The following DAB1 variants were observed in gnomAD, a reference collection of about 807,000 sequenced individuals.
DAB1 encodes the protein DAB adaptor protein 1.
Under a neutral mutation model 64.6 loss-of-function variants are expected in DAB1, and 15 were observed. That is an observed-to-expected ratio of 0.23 (90% CI 0.16 to 0.36). The LOEUF is 0.36. DAB1 is among the 10% of genes least tolerant of loss of function. The pLI, the probability that DAB1 is intolerant of heterozygous loss-of-function variation, is 1.00. For missense variants in DAB1, 596 were observed against 706.7 expected, an observed-to-expected ratio of 0.84 and a Z score of 1.78; for synonymous variants, 235 against 251.9, an observed-to-expected ratio of 0.93 and a Z score of 0.64.
chr1:58,323,497 G>A (rs1254242781), intron 4 of DAB1, among the ~76,000 whole-genome samples: 1 of 151,888 alleles, frequency 6.6e-6, no homozygotes, highest in Non-Finnish European at 1.5e-5. Context: ...TCCACGGAAA[G>A]GCCTCCTTAA....
At position 57,107,377 on chromosome 1, in the gene DAB1, T is replaced by TA. The variant is rs57669509; in HGVS notation, c.306+29165dup. Among the ~76,000 whole-genome samples the TA allele has an allele frequency of 1.5e-3, 215 of 139,112 alleles. 1 individual carries two copies. The highest frequency in any genetic ancestry group is 3.1e-3 in the African/African-American group (114 of 37,224). The allele number at this position is 139,112 out of a possible 152,430, so 91.3% of individuals were successfully genotyped here. On this transcript the variant is annotated intron_variant, in intron 4 of 14. Coordinates refer to ENST00000371236, the MANE Select transcript of DAB1 (RefSeq NM_001365792.1). ...GTGACAGACTGAGACTCTGTTTCATTAAAAAAAAAAAAAAAAAAAATCAAC... is the reference window on the plus strand; with the variant it reads ...GTGACAGACTGAGACTCTGTTTCATTAAAAAAAAAAAAAAAAAAAAATCAAC...
intron 1 of DAB1, among the ~76,000 whole-genome samples, chr1:57,861,348 G>T (rs1471533084): frequency 6.6e-6 from 1 of 152,170 alleles, no homozygotes; most frequent in Non-Finnish European, 1.5e-5. Context: ...GTGCCAGCAT[G>T]GTCAGATTCT....
chr1:57,916,719 CCT>C, intron 5 of DAB1, among the ~76,000 whole-genome samples: 1 of 152,294 alleles, frequency 6.6e-6, no homozygotes, highest in South Asian at 2.1e-4. Flanking sequence ...GAGTGGATCA[CCT>C]GAGGTCAGGA....
At chr1:57,097,901 C>T (rs1297787312) in intron 4 of DAB1, among the ~76,000 whole-genome samples, 1 of 152,018 alleles carries the variant, frequency 6.6e-6, no homozygotes, top group Non-Finnish European at 1.5e-5. Flanking sequence ...CCTCAGCCTC[C>T]CGAATAGCTG....
intron 5 of DAB1, among the ~76,000 whole-genome samples, chr1:58,062,499 C>A (rs1557632945): frequency 6.6e-6 from 1 of 152,248 alleles, no homozygotes; most frequent in Non-Finnish European, 1.5e-5. Flanking sequence ...GCTTCCAAGA[C>A]CTTCCATACA....
At position 58,490,792 on chromosome 1, in the gene DAB1, ATTCTT is replaced by A. The variant is rs1489293987; in HGVS notation, n.257+15263_257+15267del. Among the ~76,000 whole-genome samples the A allele has an allele frequency of 1.3e-3, 131 of 97,282 alleles. 5 individuals are homozygous for A. The highest frequency in any genetic ancestry group is 4.4e-3 in the African/African-American group (121 of 27,528). 63.8% of individuals were successfully genotyped at this position (97,282 alleles called of 152,430 possible). ...AAGAGAGTGGGGGCCAATAGTCAAC[ATTCTT>A]TTTTTTTTTTTTTTTTTTTTTTTTT... On this transcript the variant is annotated intron_variant and non_coding_transcript_variant, in intron 3 of 20. Coordinates refer to the DAB1 transcript ENST00000485760.
intron 7 of DAB1, among the ~76,000 whole-genome samples, chr1:57,604,306 T>C (rs2101589408): frequency 6.6e-6 from 1 of 152,292 alleles, no homozygotes; most frequent in South Asian, 2.1e-4. Context: ...TGTGCTGCTG[T>C]GTTTACTCCA....
chr1:58,462,448 C>T (rs1266044774), intron 3 of DAB1: 2 of 152,142 alleles, frequency 1.3e-5, no homozygotes, highest in South Asian at 2.1e-4. Flanking sequence ...TACCCTCAAT[C>T]CCAAGGCATC....
chr1:58,478,803 T>C (rs1645444867), intron 3 of DAB1, among the ~76,000 whole-genome samples: 1 of 152,228 alleles, frequency 6.6e-6, no homozygotes. Context: ...ATTAGCATCA[T>C]GCTCCTAACA....
intron 4 of DAB1, among the ~76,000 whole-genome samples, chr1:58,290,102 T>C (rs1282400297): frequency 6.6e-6 from 1 of 152,180 alleles, no homozygotes; most frequent in Admixed American, 6.5e-5. Flanking sequence ...GATAATGGCA[T>C]AGGACCCCTT....
At chr1:57,362,391 TTACTCCTA>T in intron 1 of DAB1, among the ~76,000 whole-genome samples, 1 of 152,282 alleles carries the variant, frequency 6.6e-6, no homozygotes, top group East Asian at 1.9e-4. Flanking sequence ...CTTAGGAGCA[TTACTCCTA>T]TACCTTCTCA....
In DAB1 at chr1:58,540,842, C is replaced by CAA. The variant is rs552021084; in HGVS notation, n.32+5859_32+5860dup. Among the ~76,000 whole-genome samples the CAA allele has an allele frequency of 8.6e-5, 13 of 150,878 alleles. No homozygotes were observed. The East Asian group carries it at 2.5e-3, about 29-fold the overall frequency. On this transcript the variant is annotated intron_variant and non_coding_transcript_variant, in intron 1 of 20. Transcript: ENST00000485760. ...AAAAAAAAACACTTGAAATAATGGC[C>CAA]AAAAGTTTTCCAAACTTGATGAAAA...
At chr1:57,585,470 C>A (rs1486186264) in intron 7 of DAB1, among the ~76,000 whole-genome samples, 1 of 152,038 alleles carries the variant, frequency 6.6e-6, no homozygotes, top group Non-Finnish European at 1.5e-5. Flanking sequence ...AGGCTCTTGG[C>A]AACATTGAAT....
chr1:57,129,172 G>T (rs1657424166), intron 4 of DAB1, among the ~76,000 whole-genome samples: 1 of 152,116 alleles, frequency 6.6e-6, no homozygotes, highest in Non-Finnish European at 1.5e-5. Context: ...GACCAAATCT[G>T]CTTGGAAACA....
At chr1:57,776,418 C>T (rs1184543064) in intron 6 of DAB1, among the ~76,000 whole-genome samples, 1 of 151,760 alleles carries the variant, frequency 6.6e-6, no homozygotes, top group Non-Finnish European at 1.5e-5. Flanking sequence ...TTTTCATTTG[C>T]ATGTTTATAT....
chr1:57,524,406 T>TAGAAAATTG (rs1644566554), intron 7 of DAB1, among the ~76,000 whole-genome samples: 1 of 152,182 alleles, frequency 6.6e-6, no homozygotes, highest in African/African-American at 2.4e-5. Flanking sequence ...TTCATGCACG[T>TAGAAAATTG]CCATGTGGAG....
intron 6 of DAB1, among the ~76,000 whole-genome samples, chr1:57,675,445 A>G (rs1344394084): frequency 1.3e-5 from 2 of 152,164 alleles, no homozygotes; most frequent in Non-Finnish European, 2.9e-5. Flanking sequence ...TACATTAGCT[A>G]TTACCATATA....
chr1:58,442,402 G>A (rs1398979917), intron 3 of DAB1, among the ~76,000 whole-genome samples: 1 of 152,120 alleles, frequency 6.6e-6, no homozygotes, highest in Non-Finnish European at 1.5e-5. Flanking sequence ...GAGGGAGAGA[G>A]CAGTGAGAGA....
chr1:57,560,956 A>G (rs1362687986), intron 7 of DAB1, among the ~76,000 whole-genome samples: 1 of 152,188 alleles, frequency 6.6e-6, no homozygotes, highest in Non-Finnish European at 1.5e-5. Context: ...TAAACAGCCT[A>G]TCATGAATTG....
Sources: allele counts gnomAD v4.1 joint callset (sites outside exome capture counted in the v4.1 genomes callset), GRCh38; gene constraint gnomAD v4.1.1; transcripts MANE v1.5; gene names NCBI Gene and HGNC (gene_info 2026-07-23, HGNC 2026-07-21).